TNRC6B: variants seen among roughly 807,000 people sequenced by gnomAD.
TNRC6B encodes trinucleotide repeat containing adaptor 6B, also known as trinucleotide repeat-containing gene 6B protein.
In TNRC6B, 52 loss-of-function variants were observed where a neutral mutation model predicts 203.6. The ratio of observed to expected loss-of-function variants is 0.26; its 90% CI spans 0.20 to 0.32. The LOEUF (loss-of-function observed/expected upper bound fraction) is 0.32. Ranked by LOEUF, TNRC6B falls within the 10% of genes least tolerant of loss-of-function variation. The pLI is 1.00. For synonymous variants in TNRC6B, 838 were observed against 845.7 expected (o/e 0.99, Z 0.16); for missense variants, 1,923 against 2,286.2 (o/e 0.84, Z 3.24).
At chr22:40,173,530 A>G (rs1044591269), upstream of TNRC6B, among the ~76,000 whole-genome samples, 4 of 150,116 alleles carry the variant, frequency 2.7e-5, no homozygotes, top group African/African-American at 9.8e-5. Flanking sequence ...ATCTCAGCTC[A>G]GCCTCCGGAG....
intron 12 of TNRC6B, among the ~76,000 whole-genome samples, chr22:40,290,837 T>C (rs1017303434): frequency 3.3e-5 from 5 of 152,186 alleles, no homozygotes; most frequent in Non-Finnish European, 7.3e-5. Flanking sequence ...GGAAGATGCA[T>C]ATCAGAGTGA....
intron 15 of TNRC6B, among the ~76,000 whole-genome samples, chr22:40,308,128 C>G (rs1359655711): frequency 6.6e-6 from 1 of 152,172 alleles, no homozygotes; most frequent in Admixed American, 6.5e-5. Context: ...CCTTTCCTCC[C>G]CCAAGATACC....
At chr22:40,285,895 C>G (rs2070773495) in intron 12 of TNRC6B, 125 bp downstream of exon 12, 3 of 1,260,464 alleles carry the variant, frequency 2.4e-6, no homozygotes, top group Non-Finnish European at 2.2e-6. Context: ...AAAAAGCCAT[C>G]TTTTCTTGAC....
chr22:40,139,193 A>G (rs1220369764), intron 3 of TNRC6B, among the ~76,000 whole-genome samples: 2 of 152,092 alleles, frequency 1.3e-5, no homozygotes, highest in African/African-American at 4.8e-5. Flanking sequence ...ATCATACAGT[A>G]TGTTTTCCTT....
In TNRC6B at chr22:40,145,507, A is replaced by G. The variant is rs1452917192; in HGVS notation, c.46-10608A>G. Among the ~76,000 whole-genome samples the G allele has an allele frequency of 3.9e-5, 6 of 152,060 alleles. No individual in the cohort carries two copies. In the South Asian group the frequency reaches 8.3e-4, roughly 21 times the overall value. On this transcript the variant is annotated intron_variant, in intron 3 of 23. Transcript: ENST00000301923. ...AGGGTGTGGTTGGAGATATTTATAA[A>G]ATGGGTAGGATTTAGCAATTTATTC...
intron 3 of TNRC6B, among the ~76,000 whole-genome samples, chr22:40,137,175 C>T (rs2068607267): frequency 1.3e-5 from 2 of 152,212 alleles, no homozygotes; most frequent in Non-Finnish European, 2.9e-5. Context: ...AAGTCTTTTG[C>T]TTTCCAGAGC....
upstream of TNRC6B, chr22:40,177,888 T>C (rs987144182): frequency 9.8e-6 from 13 of 1,328,672 alleles, no homozygotes; most frequent in African/African-American, 1.5e-5. Flanking sequence ...TCACATGATC[T>C]GCCTCTATTT....
chr22:40,186,126 A>G (rs562713696), intron 1 of TNRC6B, among the ~76,000 whole-genome samples: 47 of 152,204 alleles, frequency 3.1e-4, no homozygotes, highest in Admixed American at 2.7e-3. Flanking sequence ...GACTGTAAAG[A>G]ATAGAAAAAA....
intron 1 of TNRC6B, among the ~76,000 whole-genome samples, chr22:40,210,846 A>C (rs1019335417): frequency 6.6e-6 from 1 of 152,118 alleles, no homozygotes; most frequent in Non-Finnish European, 1.5e-5. Flanking sequence ...GGGCTGGGTA[A>C]TTCTTTGTTG....
chr22:40,293,483 G>A (rs925179240), intron 12 of TNRC6B, among the ~76,000 whole-genome samples: 8 of 151,838 alleles, frequency 5.3e-5, no homozygotes, highest in African/African-American at 9.7e-5. Context: ...ATGAGCCACC[G>A]TGCCTGGCCT....
chr22:40,149,644 TG>T (rs1271625239), intron 3 of TNRC6B, among the ~76,000 whole-genome samples: 3 of 127,014 alleles, frequency 2.4e-5, no homozygotes, highest in African/African-American at 9.2e-5. Context: ...CACTACAGCC[TG>T]GCAACAGAGC....
rs547720842 is a variant in TNRC6B, at chr22:40,264,038, A to G, written c.458-650A>G. On this transcript the variant is annotated intron_variant, in intron 4 of 22. Transcript: ENST00000454349. ...AAAACAGCTTCGCAGATGAAATGAC[A>G]CTTGAATTGGGCCCAGAAGGATGAG... Among the ~76,000 whole-genome samples, 14 of 152,296 alleles carry G rather than the reference A, an allele frequency of 9.2e-5. No homozygotes were observed. In the East Asian group the frequency reaches 2.7e-3, roughly 29 times the overall value.
At chr22:40,319,813 G>C (rs922377800) in intron 21 of TNRC6B, among the ~76,000 whole-genome samples, 2 of 152,178 alleles carry the variant, frequency 1.3e-5, no homozygotes, top group Non-Finnish European at 2.9e-5. Flanking sequence ...AGTATACTTA[G>C]AGTTCGGTAC....
intron 1 of TNRC6B, among the ~76,000 whole-genome samples, chr22:40,073,337 G>A (rs1447208449): frequency 6.6e-6 from 1 of 152,124 alleles, no homozygotes; most frequent in Non-Finnish European, 1.5e-5. Flanking sequence ...TTTAGGGACA[G>A]CAAGTCCTGT....
At chr22:40,242,728 C>G (rs528246543) in intron 1 of TNRC6B, among the ~76,000 whole-genome samples, 1 of 152,102 alleles carries the variant, frequency 6.6e-6, no homozygotes, top group Admixed American at 6.5e-5. Context: ...CCGCGCCCGT[C>G]CCTATTATTC....
intron 3 of TNRC6B, among the ~76,000 whole-genome samples, chr22:40,139,415 T>A (rs2068627319): frequency 6.6e-6 from 1 of 150,422 alleles, no homozygotes; most frequent in African/African-American, 2.4e-5. Flanking sequence ...AACTGCAGCA[T>A]CTGCCTCCTG....
chr22:40,197,141 C>T (rs2069347559), intron 1 of TNRC6B, among the ~76,000 whole-genome samples: 1 of 152,112 alleles, frequency 6.6e-6, no homozygotes, highest in Non-Finnish European at 1.5e-5. Flanking sequence ...AATATGGATG[C>T]AGATGACGGG....
intron 1 of TNRC6B, among the ~76,000 whole-genome samples, chr22:40,209,443 G>A (rs1021508123): frequency 6.6e-6 from 1 of 152,148 alleles, no homozygotes; most frequent in African/African-American, 2.4e-5. Context: ...AACAAACCTA[G>A]ATTCACGCCT....
At chr22:40,283,280 C>T (rs769678229) in intron 11 of TNRC6B, among the ~76,000 whole-genome samples, 6 of 152,262 alleles carry the variant, frequency 3.9e-5, no homozygotes, top group South Asian at 2.1e-4. Flanking sequence ...CCTCGTGATC[C>T]GCCCGCCTTG....
Sources: allele counts gnomAD v4.1 joint callset (sites outside exome capture counted in the v4.1 genomes callset), GRCh38; gene constraint gnomAD v4.1.1; transcripts MANE v1.5; gene names NCBI Gene and HGNC (gene_info 2026-07-23, HGNC 2026-07-21).